The following THSD4 variants were observed in gnomAD, a reference collection of about 807,000 sequenced individuals.
The protein encoded by THSD4 is thrombospondin type 1 domain containing 4.
THSD4 carries 69 observed loss-of-function variants against 119.0 expected under a neutral mutation model. The ratio of observed to expected loss-of-function variants is 0.58; its 90% CI spans 0.48 to 0.71. The LOEUF is 0.71. Among genes scored for constraint, THSD4 ranks in the 30% least tolerant of loss-of-function variants. The probability of loss-of-function intolerance (pLI) is 0.00; values close to 1 mark genes in which losing one functional copy is unlikely to be tolerated. For synonymous variants in THSD4, 524 were observed against 540.4 expected, an observed-to-expected ratio of 0.97 and a Z score of 0.42; for missense variants, 1,393 against 1,391.1, an observed-to-expected ratio of 1.00 and a Z score of -0.02.
At chr15:71,103,988 G>T (rs762875712) in intron 1 of THSD4, among the ~76,000 whole-genome samples, 3 of 152,136 alleles carry the variant, frequency 2.0e-5, no homozygotes, top group Non-Finnish European at 4.4e-5. Flanking sequence ...TTGAATTCTG[G>T]TCTTCTTCCC....
At chr15:71,161,106 A>G (rs1004881578) in intron 3 of THSD4, among the ~76,000 whole-genome samples, 2 of 152,100 alleles carry the variant, frequency 1.3e-5, no homozygotes, top group Admixed American at 6.5e-5. Context: ...ACCATTGTGG[A>G]ATGAAAAGAT....
At chr15:71,234,525 T>A (rs2044087827) in intron 4 of THSD4, among the ~76,000 whole-genome samples, 1 of 152,142 alleles carries the variant, frequency 6.6e-6, no homozygotes, top group Non-Finnish European at 1.5e-5. Context: ...AGGCTGGTCT[T>A]GAACTCCTGA....
intron 14 of THSD4, among the ~76,000 whole-genome samples, chr15:71,753,261 G>C (rs111425475): frequency 6.6e-5 from 10 of 152,128 alleles, no homozygotes; most frequent in Non-Finnish European, 1.5e-4. Context: ...AGTAAGCATC[G>C]TTGACTTTTC....
chr15:71,632,505 C>T (rs1051016516), intron 7 of THSD4, among the ~76,000 whole-genome samples: 27 of 152,364 alleles, frequency 1.8e-4, no homozygotes, highest in African/African-American at 6.5e-4. Flanking sequence ...TGTGGTCCTC[C>T]AGCATGTTGG....
At chr15:71,270,875 G>A (rs2044521005) in intron 6 of THSD4, among the ~76,000 whole-genome samples, 1 of 150,710 alleles carries the variant, frequency 6.6e-6, no homozygotes, top group Non-Finnish European at 1.5e-5. Context: ...TATTAGGAGT[G>A]TATGCTACTT....
intron 3 of THSD4, among the ~76,000 whole-genome samples, chr15:71,214,107 T>C (rs751723931): frequency 7.2e-5 from 11 of 151,770 alleles, no homozygotes; most frequent in Non-Finnish European, 1.3e-4. Flanking sequence ...AACACACCAA[T>C]CAGCACTCTG....
At chr15:71,111,336 T>A (rs1567128110), upstream of THSD4, 3 of 1,613,856 alleles carry the variant, frequency 1.9e-6, no homozygotes, top group Non-Finnish European at 2.5e-6. Context: ...CAGAATTTTC[T>A]CTTGCCCAGT....
intron 2 of THSD4, among the ~76,000 whole-genome samples, chr15:71,144,787 C>T (rs2040640488): frequency 6.6e-6 from 1 of 152,158 alleles, no homozygotes; most frequent in African/African-American, 2.4e-5. Context: ...AGAGGAGGCA[C>T]TAAGATTCTA....
At chr15:71,166,054 G>C (rs950539490) in intron 3 of THSD4, among the ~76,000 whole-genome samples, 2 of 152,142 alleles carry the variant, frequency 1.3e-5, no homozygotes, top group Non-Finnish European at 2.9e-5. Context: ...TCTCACCAGT[G>C]GGGTAGAGCC....
At chr15:71,629,890 G>GTA (rs2050589000) in intron 7 of THSD4, among the ~76,000 whole-genome samples, 2 of 152,156 alleles carry the variant, frequency 1.3e-5, no homozygotes, top group African/African-American at 4.8e-5. Context: ...TGGCTGTAAG[G>GTA]TAGTGATGGC....
chr15:71,097,324 G>T (rs1043674742), intron 1 of THSD4, among the ~76,000 whole-genome samples: 1 of 152,102 alleles, frequency 6.6e-6, no homozygotes, highest in Admixed American at 6.6e-5. Context: ...CAGCACTTTG[G>T]GAGGCTGAGA....
At chr15:71,581,723 T>C (rs1468840735) in intron 7 of THSD4, among the ~76,000 whole-genome samples, 1 of 152,168 alleles carries the variant, frequency 6.6e-6, no homozygotes, top group East Asian at 1.9e-4. Context: ...TTGATTCCAC[T>C]CTTCTGCATG....
chr15:71,429,277 A>G (rs2046912787), intron 7 of THSD4, among the ~76,000 whole-genome samples: 1 of 152,230 alleles, frequency 6.6e-6, no homozygotes, highest in African/African-American at 2.4e-5. Context: ...CAATTTGAGG[A>G]TAGTAAACGA....
At chr15:71,663,955 C>T (rs1186898597) in intron 8 of THSD4, among the ~76,000 whole-genome samples, 1 of 152,008 alleles carries the variant, frequency 6.6e-6, no homozygotes, top group African/African-American at 2.4e-5. Flanking sequence ...GAATACTTCA[C>T]ATTTGTATCA....
At chr15:71,533,960 G>C (rs555486376) in intron 7 of THSD4, among the ~76,000 whole-genome samples, 1 of 152,282 alleles carries the variant, frequency 6.6e-6, no homozygotes, top group Admixed American at 6.5e-5. Context: ...CAGACCTACT[G>C]ATTTAAAATC....
intron 2 of THSD4, among the ~76,000 whole-genome samples, chr15:71,153,922 C>T (rs375432229): frequency 4.1e-4 from 63 of 152,220 alleles, no homozygotes; most frequent in African/African-American, 1.4e-3. Flanking sequence ...ACCTTTGGTC[C>T]GAGGTTACAT....
rs757705184 is a variant in THSD4 at position 71,765,120 on chromosome 15, T to C, written c.2690T>C (p.Phe897Ser). ...GTGTTGGACCCCTCTGAATGTTCTT[T>C]CCTGGAGAAACCCCCCAGCCAGCAA... ...FEVLDPSECSFLEKPPSQQSC... is the reference protein window; with the variant it reads ...FEVLDPSECSSLEKPPSQQSC... The change falls in exon 16 of 18, where the codon TTC becomes TCC. Residue 897 changes from phenylalanine to serine, a missense_variant. Physicochemically the swap from Phe to Ser is radical, Grantham distance 155. Transcript: ENST00000261862. The C allele has an allele frequency of 6.2e-7, 1 of 1,614,228 alleles. No individual in the cohort carries two copies. The highest frequency in any genetic ancestry group is 2.2e-5 in the East Asian group (1 of 44,888).
At chr15:71,256,061 CT>C (rs1465481926) in intron 5 of THSD4, among the ~76,000 whole-genome samples, 8 of 152,150 alleles carry the variant, frequency 5.3e-5, no homozygotes, top group African/African-American at 1.4e-4. Flanking sequence ...TTTCTTGCCC[CT>C]ATAACGATTC....
At chr15:71,588,181 C>G (rs1476026535) in intron 7 of THSD4, among the ~76,000 whole-genome samples, 3 of 151,412 alleles carry the variant, frequency 2.0e-5, no homozygotes, top group African/African-American at 7.3e-5. Context: ...TAGCGGGCGC[C>G]TGTAGTCCCA....
Sources: gnomAD v4.1 joint callset for allele counts (sites outside exome capture counted in the v4.1 genomes callset) on GRCh38, gnomAD v4.1.1 for gene constraint, MANE v1.5 for transcripts, NCBI Gene and HGNC (gene_info 2026-07-23, HGNC 2026-07-21) for gene names.